LRP1B: variants seen among roughly 807,000 people sequenced by gnomAD.
LRP1B encodes LDL receptor related protein 1B.
LRP1B carries 217 observed loss-of-function variants against 556.6 expected under a neutral mutation model. The observed-to-expected ratio is 0.39, with a 90% confidence interval of 0.35 to 0.44. LRP1B has a LOEUF of 0.44. Ranked by LOEUF, LRP1B falls within the 20% of genes least tolerant of loss-of-function variation. The pLI is 1.00. For synonymous variants in LRP1B, 2,047 were observed against 1,865.8 expected (o/e 1.10, Z -2.50); for missense variants, 5,053 against 5,620.8 (o/e 0.90, Z 3.23).
intron 2 of LRP1B, among the ~76,000 whole-genome samples, chr2:141,797,002 T>A (rs1311712889): frequency 6.6e-6 from 1 of 151,420 alleles, no homozygotes; most frequent in Admixed American, 6.6e-5. Flanking sequence ...CGAGGAGTTT[T>A]TTCCTATTTA....
chr2:140,311,389 A>T (rs542834019), intron 83 of LRP1B, among the ~76,000 whole-genome samples: 2 of 151,980 alleles, frequency 1.3e-5, no homozygotes, highest in East Asian at 1.9e-4. Flanking sequence ...AGTAACATGG[A>T]TGAAACTGAA....
chr2:142,119,342 T>C (rs1246204883), intron 1 of LRP1B, among the ~76,000 whole-genome samples: 2 of 152,160 alleles, frequency 1.3e-5, no homozygotes, highest in African/African-American at 4.8e-5. Flanking sequence ...CAATATAAAT[T>C]AAATAGTGTT....
chr2:140,491,670 G>A (rs903979511), intron 57 of LRP1B, among the ~76,000 whole-genome samples: 2 of 151,904 alleles, frequency 1.3e-5, no homozygotes, highest in African/African-American at 2.4e-5. Flanking sequence ...TTATATGTAC[G>A]TTTTATCCTT....
chr2:140,670,463 T>C (rs1386754932), intron 41 of LRP1B, among the ~76,000 whole-genome samples: 1 of 152,158 alleles, frequency 6.6e-6, no homozygotes, highest in Non-Finnish European at 1.5e-5. Context: ...GATACTTGTA[T>C]AAATAGAGAT....
At chr2:141,563,620 C>T (rs1686236708) in intron 2 of LRP1B, among the ~76,000 whole-genome samples, 1 of 151,836 alleles carries the variant, frequency 6.6e-6, no homozygotes, top group African/African-American at 2.4e-5. Flanking sequence ...ATCTATAGAA[C>T]AGGTTGAGAA....
At chr2:141,772,801 A>G (rs766717758) in intron 2 of LRP1B, among the ~76,000 whole-genome samples, 1 of 152,174 alleles carries the variant, frequency 6.6e-6, no homozygotes, top group Non-Finnish European at 1.5e-5. Flanking sequence ...AGCCCTGGGC[A>G]TATTCATCCA....
chr2:141,921,965 A>G (rs1388876863), intron 1 of LRP1B, among the ~76,000 whole-genome samples: 1 of 152,132 alleles, frequency 6.6e-6, no homozygotes, highest in Non-Finnish European at 1.5e-5. Context: ...AAGGCCATAA[A>G]CCTTTCCAAA....
At chr2:141,518,764 C>T (rs965063494) in intron 2 of LRP1B, among the ~76,000 whole-genome samples, 6 of 152,134 alleles carry the variant, frequency 3.9e-5, no homozygotes, top group African/African-American at 1.4e-4. Context: ...GCCTGGCCAA[C>T]ATGGTGAAAC....
At chr2:140,265,660 A>G (rs1682168660) in intron 86 of LRP1B, among the ~76,000 whole-genome samples, 1 of 152,138 alleles carries the variant, frequency 6.6e-6, no homozygotes, top group Non-Finnish European at 1.5e-5. Context: ...AGCAAGCACT[A>G]TACTGTATCT....
chr2:140,708,332 C>G (rs1686913051), intron 37 of LRP1B, among the ~76,000 whole-genome samples: 1 of 151,762 alleles, frequency 6.6e-6, no homozygotes. Context: ...AATTATTTAA[C>G]TTATTTGTCA....
intron 7 of LRP1B, among the ~76,000 whole-genome samples, chr2:141,164,051 GAATTC>G (rs1447422211): frequency 1.3e-5 from 2 of 151,940 alleles, no homozygotes; most frequent in Admixed American, 6.6e-5. Context: ...ATAAAATATT[GAATTC>G]AATTCTGGTT....
At chr2:140,910,121 T>A (rs932199586) in intron 21 of LRP1B, among the ~76,000 whole-genome samples, 3 of 137,596 alleles carry the variant, frequency 2.2e-5, no homozygotes, top group African/African-American at 8.0e-5. Flanking sequence ...AACAGAGGAA[T>A]CTTAATGAGT....
In LRP1B at chr2:141,015,615, A is replaced by G; in HGVS notation, c.2190+81T>C. 3 of 1,150,836 alleles carry G rather than the reference A, an allele frequency of 2.6e-6. No homozygotes were observed. In the South Asian group the frequency reaches 4.3e-5, roughly 16 times the overall value. The allele number at this position is 1,150,836 out of a possible 1,614,324, so 71.3% of individuals were successfully genotyped here. A position where few individuals can be genotyped will look rare whatever the true frequency, so the allele number is the denominator to read the frequency against. On this transcript the variant is annotated intron_variant, in intron 13 of 90. Coordinates refer to ENST00000389484, the MANE Select transcript of LRP1B (RefSeq NM_018557.3). ...CCTCAGAGGAGTAAAAATAAACTTG[A>G]AAGTATTTTTAACACAACACAACAA...
intron 42 of LRP1B, among the ~76,000 whole-genome samples, chr2:140,600,766 G>GTTTTTTTTTT (rs1558996101): frequency 1.3e-3 from 59 of 46,182 alleles, no homozygotes; most frequent in East Asian, 9.2e-3. Flanking sequence ...TGTTCTTCGG[G>GTTTTTTTTTT]GTTTTTTTTT....
chr2:141,528,820 T>C (rs113965997), intron 2 of LRP1B, among the ~76,000 whole-genome samples: 162 of 152,282 alleles, frequency 1.1e-3, no homozygotes, highest in African/African-American at 3.6e-3. Flanking sequence ...AAAAACTCAA[T>C]TGTTTATAGG....
intron 2 of LRP1B, among the ~76,000 whole-genome samples, chr2:141,564,355 G>A (rs576228641): frequency 1.3e-5 from 2 of 152,194 alleles, no homozygotes; most frequent in African/African-American, 4.8e-5. Context: ...AAGAATCTGT[G>A]AAAATAGCAA....
chr2:141,442,016 C>T (rs1559072426), intron 3 of LRP1B, among the ~76,000 whole-genome samples: 1 of 152,148 alleles, frequency 6.6e-6, no homozygotes, highest in Non-Finnish European at 1.5e-5. Context: ...TTTGCAGATA[C>T]ATGTGACTCT....
intron 2 of LRP1B, among the ~76,000 whole-genome samples, chr2:141,778,011 A>G (rs1364141941): frequency 2.0e-5 from 3 of 152,206 alleles, no homozygotes; most frequent in Non-Finnish European, 4.4e-5. Context: ...ACACAGTTAC[A>G]TGCAATGATA....
intron 7 of LRP1B, among the ~76,000 whole-genome samples, chr2:141,120,229 T>G (rs1558874021): frequency 6.6e-6 from 1 of 151,942 alleles, no homozygotes; most frequent in Non-Finnish European, 1.5e-5. Context: ...CTCTTTGTAA[T>G]GTACTCAAAC....
Sources: gnomAD v4.1 joint callset for allele counts (sites outside exome capture counted in the v4.1 genomes callset) on GRCh38, gnomAD v4.1.1 for gene constraint, MANE v1.5 for transcripts, NCBI Gene and HGNC (gene_info 2026-07-23, HGNC 2026-07-21) for gene names.